TPTE2: variants seen among roughly 807,000 people sequenced by gnomAD.
The protein encoded by TPTE2 is transmembrane phosphoinositide 3-phosphatase and tensin homolog 2.
In TPTE2, 53 loss-of-function variants were observed where a neutral mutation model predicts 78.6. That is an observed-to-expected ratio of 0.67 (90% CI 0.54 to 0.85). The LOEUF is 0.85. TPTE2 is among the 40% of genes least tolerant of loss of function. The pLI is 0.00. For synonymous variants in TPTE2, 175 were observed against 206.2 expected, an observed-to-expected ratio of 0.85 and a Z score of 1.30; for missense variants, 461 against 623.0, an observed-to-expected ratio of 0.74 and a Z score of 2.77.
At chr13:19,423,853 G>A (rs1226231156) in intron 19 of TPTE2, among the ~76,000 whole-genome samples, 3 of 152,176 alleles carry the variant, frequency 2.0e-5, no homozygotes, top group Non-Finnish European at 4.4e-5. Context: ...GTATCCTTTA[G>A]CAAGAACCAC....
the TPTE2 span, among the ~76,000 whole-genome samples, chr13:19,547,496 A>C: frequency 3.3e-5 from 5 of 152,086 alleles, no homozygotes; most frequent in Non-Finnish European, 4.4e-5. Context: ...TTTAAAATAC[A>C]CCTATTCTTT....
At chr13:19,525,718 G>A (rs1870455972) in intron 1 of TPTE2, among the ~76,000 whole-genome samples, 1 of 152,100 alleles carries the variant, frequency 6.6e-6, no homozygotes, top group African/African-American at 2.4e-5. Flanking sequence ...AAGAGCTTCT[G>A]CACAGCAAAA....
In TPTE2 at chr13:19,436,203, C is replaced by G. The variant is rs566374002; in HGVS notation, c.1116+23G>C. The G allele has an allele frequency of 1.9e-6, 3 of 1,594,234 alleles. No individual in the cohort carries two copies. The Admixed American group carries it at 5.2e-5, about 28-fold the overall frequency. On this transcript the variant is annotated intron_variant, in intron 15 of 19. Transcript: ENST00000400230. Reference sequence around the variant, plus strand: ...TTAACCCACTCCCCTAAAAAAACTCCCATTTTTAAAAAGAAAACTTACCTG... The same window carrying G: ...TTAACCCACTCCCCTAAAAAAACTCGCATTTTTAAAAAGAAAACTTACCTG...
intron 6 of TPTE2, among the ~76,000 whole-genome samples, chr13:19,471,725 T>C (rs1010984052): frequency 6.6e-6 from 1 of 152,208 alleles, no homozygotes; most frequent in Non-Finnish European, 1.5e-5. Flanking sequence ...GTTACAATGT[T>C]ATAACATTCT....
rs56140648 is a variant in TPTE2, at chr13:19,453,538, CATATAT to C, written c.742-2319_742-2314del. Among the ~76,000 whole-genome samples the C allele has an allele frequency of 9.8e-3, 1,375 of 140,172 alleles. 45 individuals carry two copies. The highest frequency in any genetic ancestry group is 0.036 in the African/African-American group (1,247 of 34,920). 92.0% of individuals were successfully genotyped at this position (140,172 alleles called of 152,430 possible). ...TGATATATATATATCATTTTATAAT[CATATAT>C]ATATATATATATATATATATAGCAA... On this transcript the variant is annotated intron_variant, in intron 10 of 19. Transcript: ENST00000400230.
At chr13:19,509,488 T>G (rs2137690522) in intron 1 of TPTE2, among the ~76,000 whole-genome samples, 1 of 152,252 alleles carries the variant, frequency 6.6e-6, no homozygotes, top group East Asian at 1.9e-4. Context: ...AATTATATGT[T>G]AATAAATGTG....
chr13:19,440,163 G>A (rs1183518119), intron 13 of TPTE2, among the ~76,000 whole-genome samples: 3 of 152,106 alleles, frequency 2.0e-5, no homozygotes, highest in African/African-American at 7.2e-5. Flanking sequence ...GACTGTCCAA[G>A]GTCACTGTCA....
At chr13:19,555,194 A>G in the TPTE2 span, among the ~76,000 whole-genome samples, 28 of 152,202 alleles carry the variant, frequency 1.8e-4, no homozygotes, top group Non-Finnish European at 3.7e-4. Context: ...GGGAAAGGTT[A>G]GTGTGGCAGA....
intron 1 of TPTE2, among the ~76,000 whole-genome samples, chr13:19,497,330 C>A (rs1881409024): frequency 1.4e-5 from 2 of 138,450 alleles, no homozygotes; most frequent in Non-Finnish European, 3.2e-5. Flanking sequence ...CCTCTGTAGG[C>A]TCCACCTCTG....
chr13:19,462,505 T>C (rs1878986275), intron 10 of TPTE2, among the ~76,000 whole-genome samples: 1 of 151,708 alleles, frequency 6.6e-6, no homozygotes, highest in Non-Finnish European at 1.5e-5. Context: ...TATATGTGAC[T>C]TGATGCTTTT....
chr13:19,534,098 C>T (rs1871056027), intron 1 of TPTE2, among the ~76,000 whole-genome samples: 1 of 152,114 alleles, frequency 6.6e-6, no homozygotes, highest in Non-Finnish European at 1.5e-5. Context: ...TACACCTAAC[C>T]TACTGAACAT....
intron 4 of TPTE2, among the ~76,000 whole-genome samples, chr13:19,478,115 G>A (rs1593383555): frequency 6.6e-6 from 1 of 152,092 alleles, no homozygotes; most frequent in African/African-American, 2.4e-5. Flanking sequence ...TAAAAATGTA[G>A]CAGGTGAACA....
At chr13:19,473,703 C>T (rs1191735171) in intron 6 of TPTE2, among the ~76,000 whole-genome samples, 1 of 147,118 alleles carries the variant, frequency 6.8e-6, no homozygotes, top group Non-Finnish European at 1.5e-5. Flanking sequence ...TCAAACAATT[C>T]TCCTGCCTCA....
At chr13:19,528,980 G>A (rs976209888) in intron 1 of TPTE2, among the ~76,000 whole-genome samples, 3 of 152,150 alleles carry the variant, frequency 2.0e-5, no homozygotes, top group African/African-American at 7.2e-5. Flanking sequence ...TTAGCCAGGT[G>A]TGGTGGCATG....
upstream of TPTE2, among the ~76,000 whole-genome samples, chr13:19,507,435 G>A (rs1869148193): frequency 6.6e-6 from 1 of 152,056 alleles, no homozygotes; most frequent in Non-Finnish European, 1.5e-5. Flanking sequence ...AGAGCATTAG[G>A]CTGGCTGATG....
chr13:19,546,746 T>C, the TPTE2 span, among the ~76,000 whole-genome samples: 1 of 151,908 alleles, frequency 6.6e-6, no homozygotes, highest in African/African-American at 2.4e-5. Context: ...CGCCTCAGCC[T>C]CCAAAAGTGC....
At chr13:19,502,986 GA>G (rs1030717733) in intron 1 of TPTE2, among the ~76,000 whole-genome samples, 23 of 152,222 alleles carry the variant, frequency 1.5e-4, no homozygotes, top group African/African-American at 4.1e-4. Context: ...AGGCTACATT[GA>G]AAAGAATTGG....
chr13:19,437,742 T>G (rs1465723878), intron 14 of TPTE2, among the ~76,000 whole-genome samples: 2 of 152,164 alleles, frequency 1.3e-5, no homozygotes, highest in Non-Finnish European at 2.9e-5. Flanking sequence ...GGTCTTGTCT[T>G]TATTTAAAAT....
rs530298546 is a variant in TPTE2 at position 19,442,775 on chromosome 13, T to C, written c.974-4622A>G. On this transcript the variant is annotated intron_variant, in intron 13 of 19. Transcript: ENST00000400230. Reference sequence around the variant, plus strand: ...ATGGTAAAATGATATTGTGAACAATTTGATGTCAAGACATTTGCAAAGTTA... The same window carrying C: ...ATGGTAAAATGATATTGTGAACAATCTGATGTCAAGACATTTGCAAAGTTA... Among the ~76,000 whole-genome samples the C allele has an allele frequency of 3.3e-5, 5 of 152,212 alleles. No individual in the cohort carries two copies. The East Asian group carries it at 9.6e-4, about 29-fold the overall frequency.
Sources: gnomAD v4.1 joint callset for allele counts (sites outside exome capture counted in the v4.1 genomes callset) on GRCh38, gnomAD v4.1.1 for gene constraint, MANE v1.5 for transcripts, NCBI Gene and HGNC (gene_info 2026-07-23, HGNC 2026-07-21) for gene names.